Variants in SLC7A1 observed in about 807,000 individuals in gnomAD.
SLC7A1 encodes high affinity cationic amino acid transporter 1.
SLC7A1 carries 10 observed loss-of-function variants against 53.9 expected under a neutral mutation model. The ratio of observed to expected loss-of-function variants is 0.19; its 90% confidence interval spans 0.11 to 0.31. SLC7A1 has a LOEUF of 0.31. Among genes scored for constraint, SLC7A1 ranks in the 10% least tolerant of loss-of-function variants. The pLI is 1.00. For missense variants in SLC7A1, 525 were observed against 827.2 expected (o/e 0.63, Z 4.48); for synonymous variants, 342 against 338.7 (o/e 1.01, Z -0.11).
chr13:29,588,005 C>T (rs1312889053), intron 1 of SLC7A1, among the ~76,000 whole-genome samples: 1 of 151,808 alleles, frequency 6.6e-6, no homozygotes, highest in African/African-American at 2.4e-5. Flanking sequence ...GTTTTATTTT[C>T]TCCTTCTTTT....
At chr13:29,523,135 T>C (rs574412576) in intron 7 of SLC7A1, 131 bp downstream of exon 7, 1 of 743,534 alleles carries the variant, frequency 1.3e-6, no homozygotes, top group African/African-American at 1.7e-5. Flanking sequence ...GGTTGGGTAC[T>C]GGGTCTATTT....
intron 2 of SLC7A1, among the ~76,000 whole-genome samples, chr13:29,540,829 C>T (rs889638534): frequency 2.0e-5 from 3 of 152,144 alleles, no homozygotes; most frequent in Non-Finnish European, 4.4e-5. Flanking sequence ...CTGTGGTCTA[C>T]GTTTGTATCA....
intron 2 of SLC7A1, among the ~76,000 whole-genome samples, chr13:29,548,150 T>A (rs966824911): frequency 7.9e-5 from 12 of 152,204 alleles, no homozygotes; most frequent in Non-Finnish European, 1.5e-4. Flanking sequence ...TAAGTCTGAA[T>A]CAATGGCAAG....
intron 3 of SLC7A1, 107 bp downstream of exon 3, chr13:29,535,712 T>C: frequency 9.2e-7 from 1 of 1,088,468 alleles, no homozygotes; most frequent in Non-Finnish European, 1.3e-6. Context: ...TCTGTGCCTC[T>C]CGTGTTAACA....
chr13:29,579,252 C>T (rs185106501), intron 1 of SLC7A1, among the ~76,000 whole-genome samples: 5 of 152,318 alleles, frequency 3.3e-5, no homozygotes, highest in Admixed American at 3.3e-4. Context: ...ATGGCCTATC[C>T]CGACATTCCA....
intron 2 of SLC7A1, among the ~76,000 whole-genome samples, chr13:29,550,544 C>T (rs1870130470): frequency 6.6e-6 from 1 of 152,228 alleles, no homozygotes; most frequent in Non-Finnish European, 1.5e-5. Flanking sequence ...CAGGCAGCTG[C>T]TAGGAACTGC....
chr13:29,586,026 A>C (rs950097945), intron 1 of SLC7A1, among the ~76,000 whole-genome samples: 4 of 152,244 alleles, frequency 2.6e-5, no homozygotes, highest in Non-Finnish European at 5.9e-5. Flanking sequence ...TTAGTTACAG[A>C]GTAAGTAAGA....
intron 1 of SLC7A1, among the ~76,000 whole-genome samples, chr13:29,581,129 G>T (rs996471581): frequency 1.3e-5 from 2 of 152,160 alleles, no homozygotes; most frequent in African/African-American, 4.8e-5. Context: ...TAATGAACCA[G>T]GCAACAGAGA....
intron 1 of SLC7A1, among the ~76,000 whole-genome samples, chr13:29,587,141 C>T (rs116399925): frequency 0.023 from 3,506 of 152,302 alleles, 130 homozygotes; most frequent in African/African-American, 0.079. Flanking sequence ...CATTTTCACA[C>T]ATAACATAGA....
chr13:29,526,168 T>G (rs772532323), intron 5 of SLC7A1, among the ~76,000 whole-genome samples: 1 of 152,090 alleles, frequency 6.6e-6, no homozygotes, highest in Non-Finnish European at 1.5e-5. Flanking sequence ...TCAGCTCCTA[T>G]GACATCAAGA....
intron 2 of SLC7A1, among the ~76,000 whole-genome samples, chr13:29,538,905 T>C (rs1347912323): frequency 6.6e-6 from 1 of 152,156 alleles, no homozygotes; most frequent in African/African-American, 2.4e-5. Context: ...AAGCTCTTGT[T>C]TCGGATCTGG....
chr13:29,532,495 A>G (rs1387134008), intron 4 of SLC7A1, among the ~76,000 whole-genome samples: 1 of 152,220 alleles, frequency 6.6e-6, no homozygotes, highest in African/African-American at 2.4e-5. Flanking sequence ...CTGAGTCAAA[A>G]GAACTTTTAT....
chr13:29,526,272 T>G (rs578054337), intron 5 of SLC7A1, among the ~76,000 whole-genome samples: 1 of 152,124 alleles, frequency 6.6e-6, no homozygotes, highest in South Asian at 2.1e-4. Context: ...AGGGACCAGC[T>G]TGGGCAACAT....
intron 1 of SLC7A1, among the ~76,000 whole-genome samples, chr13:29,587,587 C>T (rs1181202044): frequency 6.6e-6 from 1 of 152,208 alleles, no homozygotes; most frequent in African/African-American, 2.4e-5. Flanking sequence ...CAGGCCCCAT[C>T]CTTAACCTCT....
chr13:29,550,913 T>C (rs1870150846), intron 2 of SLC7A1, among the ~76,000 whole-genome samples: 1 of 152,196 alleles, frequency 6.6e-6, no homozygotes, highest in Non-Finnish European at 1.5e-5. Flanking sequence ...ACTGAATCCT[T>C]GGGGGGCTAA....
chr13:29,529,048 T>C (rs1593546040), intron 5 of SLC7A1, among the ~76,000 whole-genome samples: 1 of 152,216 alleles, frequency 6.6e-6, no homozygotes, highest in African/African-American at 2.4e-5. Context: ...GGCTACACGT[T>C]ACTTCAACAC....
rs574197637 is a variant in SLC7A1 at position 29,510,540 on chromosome 13, G to A, written c.*3940C>T. ...ATTACACGTAACAATTATACATAGT[G>A]TATATCCAGATCCGTCTGCAGGCGA... On this transcript the variant is annotated 3_prime_UTR_variant, in exon 13 of 13. Coordinates refer to ENST00000380752, the MANE Select transcript of SLC7A1 (RefSeq NM_003045.5). 6.6e-6 allele frequency: 1 copy of A among 152,346 alleles called. No individual in the cohort carries two copies. The highest frequency in any genetic ancestry group is 6.5e-5 in the Admixed American group (1 of 15,304). 9.4% of individuals were successfully genotyped at this position (152,346 alleles called of 1,614,324 possible).
intron 3 of SLC7A1, 110 bp downstream of exon 3, chr13:29,535,709 C>A: frequency 9.4e-7 from 1 of 1,059,680 alleles, no homozygotes. Flanking sequence ...AATTCTGTGC[C>A]TCTCGTGTTA....
chr13:29,569,359 G>A (rs1281010879), intron 1 of SLC7A1, among the ~76,000 whole-genome samples: 1 of 152,172 alleles, frequency 6.6e-6, no homozygotes, highest in African/African-American at 2.4e-5. Context: ...ACTCCAGGCT[G>A]TGAACCCCCT....
Sources: gnomAD v4.1 joint callset for allele counts (sites outside exome capture counted in the v4.1 genomes callset) on GRCh38, gnomAD v4.1.1 for gene constraint, MANE v1.5 for transcripts, NCBI Gene and HGNC (gene_info 2026-07-23, HGNC 2026-07-21) for gene names.